Variants in GRAMD1C observed in about 807,000 individuals in gnomAD.
The protein encoded by GRAMD1C is protein Aster-C.
Under a neutral mutation model 97.8 loss-of-function variants are expected in GRAMD1C, and 89 were observed. The ratio of observed to expected loss-of-function variants is 0.91; its 90% CI spans 0.77 to 1.09. The LOEUF is 1.09. Ranked by LOEUF, GRAMD1C falls within the 50% of genes least tolerant of loss-of-function variation. The pLI is 0.00. For synonymous variants in GRAMD1C, 256 were observed against 267.0 expected (o/e 0.96, Z 0.40); for missense variants, 740 against 766.4 (o/e 0.97, Z 0.41).
At chr3:113,901,406 T>C (rs1344426661) in intron 7 of GRAMD1C, among the ~76,000 whole-genome samples, 1 of 152,180 alleles carries the variant, frequency 6.6e-6, no homozygotes, top group African/African-American at 2.4e-5. Context: ...GCCTGTTTAT[T>C]AAGGATCTGG....
chr3:113,830,953 G>A (rs1289538534), intron 1 of GRAMD1C, among the ~76,000 whole-genome samples: 1 of 152,140 alleles, frequency 6.6e-6, no homozygotes, highest in African/African-American at 2.4e-5. Context: ...AAATTGGCCT[G>A]GCATGATGGT....
chr3:113,916,412 A>G (rs150802452), intron 10 of GRAMD1C, among the ~76,000 whole-genome samples: 181 of 152,358 alleles, frequency 1.2e-3, no homozygotes, highest in African/African-American at 4.3e-3. Context: ...AGAATCCTAT[A>G]TAACAATGAA....
intron 11 of GRAMD1C, 60 bp from the exon 12 acceptor site, chr3:113,933,451 G>A: frequency 8.5e-7 from 1 of 1,181,862 alleles, no homozygotes; most frequent in South Asian, 1.3e-5. Flanking sequence ...GTTCTAAATT[G>A]GCAAGAAGAT....
intron 3 of GRAMD1C, 39 bp downstream of exon 3, chr3:113,869,630 A>C: frequency 1.2e-6 from 1 of 863,186 alleles, no homozygotes; most frequent in Non-Finnish European, 1.9e-6. Context: ...TTATTACCTC[A>C]TTATAAAAAG....
chr3:113,860,213 G>C (rs537593034), intron 2 of GRAMD1C, among the ~76,000 whole-genome samples: 1 of 152,008 alleles, frequency 6.6e-6, no homozygotes, highest in Admixed American at 6.6e-5. Context: ...GTAGAGACAG[G>C]GTTTCACCAT....
chr3:113,890,789 A>G (rs912271185), intron 6 of GRAMD1C: 16 of 696,776 alleles, frequency 2.3e-5, no homozygotes, highest in East Asian at 2.7e-5. Flanking sequence ...TATAAAAACA[A>G]ATATCTCCAG....
At chr3:113,906,587 TA>T (rs1202511277) in intron 8 of GRAMD1C, among the ~76,000 whole-genome samples, 2 of 152,018 alleles carry the variant, frequency 1.3e-5, no homozygotes, top group South Asian at 2.1e-4. Flanking sequence ...CAAAAAGTTT[TA>T]AAAAAAAGTT....
chr3:113,924,723 A>T (rs544854773), intron 10 of GRAMD1C, among the ~76,000 whole-genome samples: 48 of 152,264 alleles, frequency 3.2e-4, no homozygotes, highest in Middle Eastern at 6.8e-3. Context: ...GCCAGGTGCA[A>T]ATGAGAAGAA....
At chr3:113,931,507 C>T (rs761353043) in intron 11 of GRAMD1C, among the ~76,000 whole-genome samples, 10 of 151,900 alleles carry the variant, frequency 6.6e-5, no homozygotes, top group East Asian at 1.9e-4. Context: ...TACAGGCGCA[C>T]GCCACCATGC....
At chr3:113,831,266 G>C (rs139309954) in intron 1 of GRAMD1C, among the ~76,000 whole-genome samples, 3 of 152,260 alleles carry the variant, frequency 2.0e-5, no homozygotes, top group African/African-American at 7.2e-5. Context: ...TATCTTTAGT[G>C]TTCTTTAGTA....
intron 5 of GRAMD1C, among the ~76,000 whole-genome samples, chr3:113,876,619 G>A (rs1378066253): frequency 6.7e-6 from 1 of 149,458 alleles, no homozygotes; most frequent in African/African-American, 2.5e-5. Flanking sequence ...CAGAGATTTG[G>A]ACAGCATACA....
At chr3:113,935,333 C>T (rs1306847801) in intron 13 of GRAMD1C, among the ~76,000 whole-genome samples, 1 of 152,000 alleles carries the variant, frequency 6.6e-6, no homozygotes, top group Non-Finnish European at 1.5e-5. Context: ...GGGCTACCTT[C>T]CTTGTCAGAT....
intron 7 of GRAMD1C, among the ~76,000 whole-genome samples, 173 bp from the exon 8 acceptor site, chr3:113,903,967 T>C (rs1432757296): frequency 6.6e-6 from 1 of 152,202 alleles, no homozygotes; most frequent in Non-Finnish European, 1.5e-5. Flanking sequence ...GATATCAACT[T>C]GCATGTAATT....
chr3:113,837,028 G>A (rs1709641634), upstream of GRAMD1C, among the ~76,000 whole-genome samples: 1 of 152,002 alleles, frequency 6.6e-6, no homozygotes, highest in East Asian at 1.9e-4. Flanking sequence ...AACTCTAATA[G>A]CCATTTCATA....
At chr3:113,942,448 A>G (rs1937848331) in intron 17 of GRAMD1C, among the ~76,000 whole-genome samples, 1 of 152,098 alleles carries the variant, frequency 6.6e-6, no homozygotes, top group Non-Finnish European at 1.5e-5. Context: ...GTGTACCCCA[A>G]ACTTCTCTGT....
chr3:113,860,268 C>T (rs1641807733), intron 2 of GRAMD1C, among the ~76,000 whole-genome samples: 1 of 152,216 alleles, frequency 6.6e-6, no homozygotes, highest in South Asian at 2.1e-4. Flanking sequence ...GATCCACCCG[C>T]CTTGGCCTCC....
At chr3:113,909,214 AT>A in intron 9 of GRAMD1C, 94 bp downstream of exon 9, 1 of 571,506 alleles carries the variant, frequency 1.7e-6, no homozygotes, top group Non-Finnish European at 2.9e-6. Context: ...ATTTAGTTTT[AT>A]TAGACACAGT....
chr3:113,830,407 C>CA, intron 1 of GRAMD1C, among the ~76,000 whole-genome samples: 1 of 152,304 alleles, frequency 6.6e-6, no homozygotes, highest in Non-Finnish European at 1.5e-5. Flanking sequence ...CTTGATTTTT[C>CA]AGGCTGCTCT....
chr3:113,876,139 A>G (rs771198767), intron 4 of GRAMD1C, 26 bp from the exon 5 acceptor site: 3 of 1,095,640 alleles, frequency 2.7e-6, no homozygotes, highest in Non-Finnish European at 4.2e-6. Context: ...TGAAAAATAC[A>G]TTAAAAAAAT....
Sources: allele counts gnomAD v4.1 joint callset (sites outside exome capture counted in the v4.1 genomes callset), GRCh38; gene constraint gnomAD v4.1.1; transcripts MANE v1.5; gene names NCBI Gene and HGNC (gene_info 2026-07-23, HGNC 2026-07-21).